The following WWOX variants were observed in gnomAD, a reference collection of about 807,000 sequenced individuals.
WWOX encodes the protein WW domain-containing oxidoreductase.
WWOX carries 69 observed loss-of-function variants against 46.2 expected under a neutral mutation model. That is an observed-to-expected ratio of 1.49 (90% CI 1.23 to 1.82). The LOEUF (loss-of-function observed/expected upper bound fraction) is 1.82, where lower values mean the gene tolerates loss of function less well. Ranked by LOEUF, WWOX falls within the 40% of genes most tolerant of loss-of-function variation. The pLI is 0.00. For synonymous variants in WWOX, 359 were observed against 202.6 expected (o/e 1.77, Z -6.56); for missense variants, 919 against 542.6 (o/e 1.69, Z -6.89).
At position 78,589,409 on chromosome 16, in the gene WWOX, G is replaced by C. The variant is rs964176319; in HGVS notation, c.1056+156657G>C. 5.3e-5 allele frequency among the ~76,000 whole-genome samples: 8 copies of C among 152,194 alleles called. No homozygotes were observed. In the South Asian group the frequency reaches 1.7e-3, roughly 32 times the overall value. On this transcript the variant is annotated intron_variant, in intron 8 of 8. Coordinates refer to ENST00000566780, the MANE Select transcript of WWOX (RefSeq NM_016373.4). ...CATTTCTACCTTGTTGGTATCCGCAGAGGTTGTCTTGAAGGGGGCTGATGC... is the reference window on the plus strand; with the variant it reads ...CATTTCTACCTTGTTGGTATCCGCACAGGTTGTCTTGAAGGGGGCTGATGC...
chr16:78,641,172 C>A (rs563877736), intron 8 of WWOX, among the ~76,000 whole-genome samples: 1 of 151,958 alleles, frequency 6.6e-6, no homozygotes, highest in Non-Finnish European at 1.5e-5. Context: ...AAAATGACCC[C>A]CGTTGACAAC....
At chr16:78,779,992 G>A (rs1040734261) in intron 8 of WWOX, among the ~76,000 whole-genome samples, 1 of 152,210 alleles carries the variant, frequency 6.6e-6, no homozygotes, top group Non-Finnish European at 1.5e-5. Context: ...TGTGTCTTCT[G>A]TGTCAACATC....
At chr16:78,803,190 A>C (rs1333129938) in intron 8 of WWOX, among the ~76,000 whole-genome samples, 1 of 151,944 alleles carries the variant, frequency 6.6e-6, no homozygotes, top group Non-Finnish European at 1.5e-5. Flanking sequence ...TCTTAACACA[A>C]ACCACATAGG....
intron 8 of WWOX, among the ~76,000 whole-genome samples, chr16:78,879,498 C>G (rs1022570971): frequency 4.0e-5 from 6 of 150,762 alleles, no homozygotes; most frequent in Admixed American, 1.3e-4. Flanking sequence ...TTCAAGTCCA[C>G]TCTCAAAAAA....
chr16:78,695,605 C>G (rs1313084279), intron 8 of WWOX, among the ~76,000 whole-genome samples: 1 of 152,114 alleles, frequency 6.6e-6, no homozygotes, highest in African/African-American at 2.4e-5. Flanking sequence ...GCCATGCTGG[C>G]AAGTCGGAGT....
intron 8 of WWOX, among the ~76,000 whole-genome samples, chr16:78,480,857 G>A (rs966183976): frequency 7.2e-5 from 11 of 152,232 alleles, no homozygotes; most frequent in Admixed American, 7.2e-4. Flanking sequence ...ATCAGATTAT[G>A]TGGTCTGAAC....
chr16:79,010,602 G>C (rs1364841233), intron 8 of WWOX, among the ~76,000 whole-genome samples: 2 of 152,092 alleles, frequency 1.3e-5, no homozygotes, highest in Non-Finnish European at 2.9e-5. Flanking sequence ...CATATGAGAA[G>C]GCAGGGAGTG....
intron 8 of WWOX, among the ~76,000 whole-genome samples, chr16:78,654,549 C>T (rs2047038528): frequency 6.6e-6 from 1 of 152,044 alleles, no homozygotes; most frequent in Non-Finnish European, 1.5e-5. Context: ...AGAAGAGGCC[C>T]ACGTTCTTTT....
chr16:79,021,386 C>T (rs1717168073), intron 8 of WWOX, among the ~76,000 whole-genome samples: 1 of 152,100 alleles, frequency 6.6e-6, no homozygotes, highest in Admixed American at 6.6e-5. Flanking sequence ...ACCCCTTGGG[C>T]ATTTGGTGCC....
At chr16:79,174,797 A>T (rs2050768544) in intron 8 of WWOX, among the ~76,000 whole-genome samples, 1 of 152,368 alleles carries the variant, frequency 6.6e-6, no homozygotes, top group East Asian at 1.9e-4. Context: ...TATATTTGAT[A>T]ACTTTAACAG....
chr16:78,885,603 C>G (rs1232332998), intron 8 of WWOX, among the ~76,000 whole-genome samples: 2 of 152,178 alleles, frequency 1.3e-5, no homozygotes, highest in Admixed American at 6.5e-5. Context: ...TTCAGAGAAA[C>G]TAGAGCCTCA....
At chr16:78,276,177 G>T (rs2079574591) in intron 5 of WWOX, among the ~76,000 whole-genome samples, 2 of 152,180 alleles carry the variant, frequency 1.3e-5, no homozygotes, top group South Asian at 4.1e-4. Flanking sequence ...GGAAGCACAG[G>T]TGATTTGGAG....
intron 8 of WWOX, among the ~76,000 whole-genome samples, chr16:78,838,814 G>A (rs572731887): frequency 7.9e-5 from 12 of 152,316 alleles, no homozygotes; most frequent in African/African-American, 2.9e-4. Flanking sequence ...CTGTACTCCA[G>A]CCTGGGCAAC....
chr16:78,434,945 C>A (rs1046282203), intron 8 of WWOX, among the ~76,000 whole-genome samples: 1 of 152,098 alleles, frequency 6.6e-6, no homozygotes, highest in African/African-American at 2.4e-5. Flanking sequence ...TCAGGGTAAA[C>A]ATTTTTATTT....
At chr16:79,022,226 G>C (rs1330154534) in intron 8 of WWOX, among the ~76,000 whole-genome samples, 2 of 152,154 alleles carry the variant, frequency 1.3e-5, no homozygotes, top group Middle Eastern at 3.4e-3. Flanking sequence ...GCTGGGATCA[G>C]CGCCCAATGG....
chr16:78,697,300 T>C (rs945211164), intron 8 of WWOX, among the ~76,000 whole-genome samples: 1 of 152,230 alleles, frequency 6.6e-6, no homozygotes, highest in African/African-American at 2.4e-5. Context: ...AAGTGTTCCC[T>C]GCTCACCGCA....
At chr16:78,888,540 C>G (rs1449842566) in intron 8 of WWOX, among the ~76,000 whole-genome samples, 1 of 152,160 alleles carries the variant, frequency 6.6e-6, no homozygotes, top group Admixed American at 6.5e-5. Context: ...TCCCTGTCTT[C>G]CAGAACTCAA....
intron 8 of WWOX, among the ~76,000 whole-genome samples, chr16:78,594,336 A>G (rs1261520051): frequency 6.6e-6 from 1 of 150,784 alleles, no homozygotes; most frequent in East Asian, 2.0e-4. Context: ...CTCCAGCAGC[A>G]AAACCCAATC....
intron 8 of WWOX, among the ~76,000 whole-genome samples, chr16:78,978,149 A>T (rs1249095319): frequency 6.6e-6 from 1 of 152,202 alleles, no homozygotes; most frequent in Non-Finnish European, 1.5e-5. Flanking sequence ...AGGTTGACCC[A>T]CATTGTGGCA....
Sources: allele counts gnomAD v4.1 joint callset (sites outside exome capture counted in the v4.1 genomes callset), GRCh38; gene constraint gnomAD v4.1.1; transcripts MANE v1.5; gene names NCBI Gene and HGNC (gene_info 2026-07-23, HGNC 2026-07-21).